Variants in FSTL3 observed in about 807,000 individuals in gnomAD.
FSTL3 encodes the protein follistatin like 3.
A neutral mutation model predicts 28.1 loss-of-function variants in FSTL3; 21 were observed. The observed-to-expected ratio is 0.75, with a 90% CI of 0.53 to 1.08. FSTL3 has a LOEUF of 1.08. Among genes scored for constraint, FSTL3 ranks in the 50% least tolerant of loss-of-function variants. The pLI, the probability that FSTL3 is intolerant of heterozygous loss-of-function variation, is 0.00. For missense variants in FSTL3, 400 were observed against 380.9 expected (o/e 1.05, Z -0.42); for synonymous variants, 199 against 164.2 (o/e 1.21, Z -1.62).
chr19:681,868 AC>A lies in FSTL3; in HGVS notation c.*161del. The A allele has an allele frequency of 1.4e-6, 1 of 694,848 alleles. No homozygotes were observed. The highest frequency in any genetic ancestry group is 3.9e-4 in the Middle Eastern group (1 of 2,550). The allele number at this position is 694,848 out of a possible 1,614,324, so 43.0% of individuals were successfully genotyped here. ...ACCTCCCTGACGATATCCTGGAAGGACTGAGGAAGGGAGGCCTGGGGGCCGG... is the reference window on the plus strand; with the variant it reads ...ACCTCCCTGACGATATCCTGGAAGGATGAGGAAGGGAGGCCTGGGGGCCGG... On this transcript the variant is annotated 3_prime_UTR_variant, in exon 5 of 5. Coordinates refer to ENST00000166139, the MANE Select transcript of FSTL3 (RefSeq NM_005860.3).
intron 3 of FSTL3, chr19:680,718 G>A: frequency 2.7e-6 from 1 of 365,830 alleles, no homozygotes; most frequent in Non-Finnish European, 4.9e-6. Context: ...CTGCCGCAGT[G>A]CGTAGGGGCG....
At chr19:678,157 C>T (rs1391343217) in intron 2 of FSTL3, 180 bp downstream of exon 2, 2 of 615,630 alleles carry the variant, frequency 3.2e-6, no homozygotes, top group Non-Finnish European at 2.8e-6. Flanking sequence ...CAGGCTCCAG[C>T]CTCTTGCAGC....
In FSTL3 at chr19:681,355, C is replaced by T. The variant is rs2031329295; in HGVS notation, c.528C>T (p.Cys176=). 1.9e-6 allele frequency: 3 copies of T among 1,579,026 alleles called. No homozygotes were observed. The highest frequency in any genetic ancestry group is 2.7e-5 in the African/African-American group (2 of 74,392). Residue 176 remains cysteine (C), a synonymous_variant, in exon 4 of 5, where the codon TGC becomes TGT. Transcript: ENST00000166139. ...RCRKSCEHVV[C]PRPQSCVVDQ... is the part of the protein sequence containing the mutation. ...CAGAGTCCTGTGAGCACGTGGTGTG[C>T]CCGCGGCCACAGTCGTGCGTCGTGG...
In FSTL3 at chr19:678,525, T is replaced by C. The variant is rs576903547; in HGVS notation, c.289+548T>C. Among the ~76,000 whole-genome samples the C allele has an allele frequency of 6.8e-4, 82 of 119,890 alleles. 4 individuals carry two copies. The South Asian group carries it at 0.01, about 15-fold the overall frequency. 78.7% of individuals were successfully genotyped at this position (119,890 alleles called of 152,430 possible). A position where few individuals can be genotyped will look rare whatever the true frequency, so the allele number is the denominator to read the frequency against. On this transcript the variant is annotated intron_variant, in intron 2 of 4. Coordinates refer to ENST00000166139, the MANE Select transcript of FSTL3 (RefSeq NM_005860.3). ...TTTTTTTTTTTTTTTTTTTTTTTTT[T>C]CCTGAGATGGAGCCTCGCTCTGTCA...
chr19:677,293 A>G (rs2031234451), intron 1 of FSTL3, among the ~76,000 whole-genome samples: 1 of 151,824 alleles, frequency 6.6e-6, no homozygotes, highest in African/African-American at 2.4e-5. Context: ...GGAGACAGTG[A>G]GCTCATGCAA....
chr19:677,664 C>T, intron 1 of FSTL3, 128 bp from the exon 2 acceptor site: 1 of 944,188 alleles, frequency 1.1e-6, no homozygotes, highest in East Asian at 2.7e-5. Flanking sequence ...TTTTCTGCCC[C>T]TTCTTCCTGG....
At chr19:680,002 C>CCG (rs1491508491) in intron 2 of FSTL3, 1 of 133,300 alleles carries the variant, frequency 7.5e-6, no homozygotes, top group Non-Finnish European at 1.3e-5. Flanking sequence ...CGGGCAGAGA[C>CCG]CCCCCCCCGC....
At position 681,329 on chromosome 19, in the gene FSTL3, G is replaced by T; in HGVS notation, c.506-4G>T. 1.0e-5 allele frequency: 16 copies of T among 1,553,310 alleles called. No individual in the cohort carries two copies. Among genetic ancestry groups the T allele is most frequent in the Non-Finnish European group, 1.3e-5 (15 of 1,155,228 alleles). On this transcript the variant is annotated splice_polypyrimidine_tract_variant and splice_region_variant and intron_variant, in intron 3 of 4. Transcript: ENST00000166139. ...CTGAACTTCCCCTGGCACCCGGCCT[G>T]CAGAGTCCTGTGAGCACGTGGTGTG...
At chr19:677,675 G>A in intron 1 of FSTL3, 117 bp from the exon 2 acceptor site, 1 of 1,020,688 alleles carries the variant, frequency 9.8e-7, no homozygotes, top group Non-Finnish European at 1.4e-6. Flanking sequence ...TTCTTCCTGG[G>A]TGGGGGTAGA....
chr19:678,499 GTTTTTTTTTTTT>G (rs746126061), intron 2 of FSTL3, among the ~76,000 whole-genome samples: 2 of 91,202 alleles, frequency 2.2e-5, no homozygotes, highest in African/African-American at 7.1e-5. Flanking sequence ...GAGGATGATG[GTTTTTTTTTTTT>G]TTTTTTTTTT....
At chr19:677,039 C>A (rs1441525871) in intron 1 of FSTL3, among the ~76,000 whole-genome samples, 8 of 152,146 alleles carry the variant, frequency 5.3e-5, no homozygotes, top group African/African-American at 1.9e-4. Context: ...CGGCCCCACT[C>A]CTGGCCTCAG....
At chr19:678,507 T>G (rs1488498108) in intron 2 of FSTL3, among the ~76,000 whole-genome samples, 2 of 113,608 alleles carry the variant, frequency 1.8e-5, no homozygotes, top group Admixed American at 8.0e-5. Context: ...TGGTTTTTTT[T>G]TTTTTTTTTT....
chr19:677,921 G>A lies in FSTL3; in HGVS notation c.233G>A (p.Gly78Glu), dbSNP rs138123319. The change falls in exon 2 of 5, where the codon GGG becomes GAG. Residue 78 changes from glycine (G) to glutamate (E), a missense_variant. Transcript: ENST00000166139. ...DTAWSNLTHP[G>E]NKINLLGFLG... is the part of the protein sequence containing the mutation. ...GCCTGGTCCAACCTCACCCACCCGG[G>A]GAACAAGATCAACCTCCTCGGCTTC... 6.2e-7 allele frequency: 1 copy of A among 1,613,482 alleles called. No homozygotes were observed. The highest frequency in any genetic ancestry group is 1.3e-5 in the African/African-American group (1 of 74,924).
chr19:680,964 G>T, intron 3 of FSTL3: 1 of 315,306 alleles, frequency 3.2e-6, no homozygotes, highest in Non-Finnish European at 6.0e-6. Flanking sequence ...CCAGGGGGGT[G>T]AGACTGGGTC....
chr19:682,250 G>A lies in FSTL3; in HGVS notation c.*542G>A, dbSNP rs1348672275. ...AGTACGGAGGGTCTAGCCTGGGTGTGTATGGAGGATCTAGCCTGGGTGAGT... is the reference window on the plus strand; with the variant it reads ...AGTACGGAGGGTCTAGCCTGGGTGTATATGGAGGATCTAGCCTGGGTGAGT... On this transcript the variant is annotated 3_prime_UTR_variant, in exon 5 of 5. Coordinates refer to ENST00000166139, the MANE Select transcript of FSTL3 (RefSeq NM_005860.3). 7.2e-6 allele frequency: 2 copies of A among 277,790 alleles called. No individual in the cohort carries two copies. Among genetic ancestry groups the A allele is most frequent in the East Asian group, 5.4e-5 (1 of 18,580 alleles). 17.2% of individuals were successfully genotyped at this position (277,790 alleles called of 1,614,324 possible).
chr19:681,037 G>A (rs185209159), intron 3 of FSTL3, among the ~76,000 whole-genome samples: 1 of 151,302 alleles, frequency 6.6e-6, no homozygotes, highest in East Asian at 2.0e-4. Flanking sequence ...GGGGATTTGT[G>A]GGTGGAGTTT....
Position 682,304 on chromosome 19 carries a change from A to C in FSTL3, c.*596A>C. 1 of 251,880 alleles carries C rather than the reference A, an allele frequency of 4.0e-6. No individual in the cohort carries two copies. Among genetic ancestry groups the C allele is most frequent in the African/African-American group, 2.3e-5 (1 of 42,866 alleles). 15.6% of individuals were successfully genotyped at this position (251,880 alleles called of 1,614,324 possible). On this transcript the variant is annotated 3_prime_UTR_variant, in exon 5 of 5. Coordinates refer to ENST00000166139, the MANE Select transcript of FSTL3 (RefSeq NM_005860.3). ...GAGGGTCTAGCCTGGGTGAGTATGG[A>C]GGGTCTAGCCTGGGTGTGTATGGAG...
intron 1 of FSTL3, 53 bp from the exon 2 acceptor site, chr19:677,739 G>C (rs2031243058): frequency 2.0e-6 from 3 of 1,521,978 alleles, no homozygotes; most frequent in African/African-American, 2.7e-5. Flanking sequence ...GGGCGGGCCA[G>C]AAGCTGGGTG....
At position 681,387 on chromosome 19, in the gene FSTL3, C is replaced by A; in HGVS notation, c.560C>A (p.Thr187Lys). Residue 187 changes from threonine to lysine, a missense_variant, in exon 4 of 5, where the codon ACG (threonine) becomes AAG (lysine). Coordinates refer to ENST00000166139, the MANE Select transcript of FSTL3 (RefSeq NM_005860.3). ...PRPQSCVVDQ[T>K]GSAHCVVCRA... is the part of the protein sequence containing the mutation. ...CCACAGTCGTGCGTCGTGGACCAGA[C>A]GGGCAGCGCCCACTGCGTGGTGTGT... is the stretch of plus-strand genomic sequence containing the variant. 1 of 1,592,788 alleles carries A rather than the reference C, an allele frequency of 6.3e-7. No individual in the cohort carries two copies. Among genetic ancestry groups the A allele is most frequent in the Non-Finnish European group, 8.5e-7 (1 of 1,176,902 alleles).
Sources: gnomAD v4.1 joint callset for allele counts (sites outside exome capture counted in the v4.1 genomes callset) on GRCh38, gnomAD v4.1.1 for gene constraint, MANE v1.5 for transcripts, NCBI Gene and HGNC (gene_info 2026-07-23, HGNC 2026-07-21) for gene names.